FBXO4: variants seen among roughly 807,000 people sequenced by gnomAD.
FBXO4 encodes the protein F-box protein 4, also known as F-box only protein 4.
Under a neutral mutation model 43.7 loss-of-function variants are expected in FBXO4, and 36 were observed. The observed-to-expected ratio is 0.82, with a 90% CI of 0.63 to 1.09. The LOEUF (loss-of-function observed/expected upper bound fraction) is 1.09, where lower values mean the gene tolerates loss of function less well. Ranked by LOEUF, FBXO4 falls within the 50% of genes least tolerant of loss-of-function variation. The probability of loss-of-function intolerance (pLI) is 0.00; values close to 1 mark genes in which losing one functional copy is unlikely to be tolerated. For missense variants in FBXO4, 435 were observed against 474.1 expected (o/e 0.92, Z 0.77); for synonymous variants, 180 against 165.6 (o/e 1.09, Z -0.67).
At chr5:41,952,552 T>C in the FBXO4 span, among the ~76,000 whole-genome samples, 1 of 152,176 alleles carries the variant, frequency 6.6e-6, no homozygotes, top group Non-Finnish European at 1.5e-5. Flanking sequence ...CACAGTCAAT[T>C]TGAGAACATT....
the FBXO4 span, among the ~76,000 whole-genome samples, chr5:42,028,242 T>C: frequency 6.6e-6 from 1 of 152,048 alleles, no homozygotes; most frequent in East Asian, 1.9e-4. Context: ...TTATATTCTT[T>C]TGCTGAACTG....
At chr5:42,026,360 A>C in the FBXO4 span, among the ~76,000 whole-genome samples, 1 of 151,776 alleles carries the variant, frequency 6.6e-6, no homozygotes, top group Non-Finnish European at 1.5e-5. Flanking sequence ...TAGAAATGCC[A>C]CACTGATTTT....
At chr5:41,956,672 T>C in the FBXO4 span, among the ~76,000 whole-genome samples, 25 of 151,914 alleles carry the variant, frequency 1.6e-4, no homozygotes, top group African/African-American at 5.8e-4. Context: ...AGAAGTCAGC[T>C]GTCATTATTT....
the FBXO4 span, among the ~76,000 whole-genome samples, chr5:41,952,952 C>A: frequency 6.6e-6 from 1 of 151,124 alleles, no homozygotes; most frequent in Non-Finnish European, 1.5e-5. Context: ...CAGTTTTTTT[C>A]TTTTTTTATG....
chr5:42,037,609 T>C, the FBXO4 span, among the ~76,000 whole-genome samples: 2 of 152,110 alleles, frequency 1.3e-5, no homozygotes, highest in African/African-American at 4.8e-5. Context: ...TCCTCTTAAC[T>C]GCTCTATAGA....
At chr5:41,966,768 T>C in the FBXO4 span, among the ~76,000 whole-genome samples, 4 of 152,204 alleles carry the variant, frequency 2.6e-5, no homozygotes. Context: ...AAAGGTTTGG[T>C]ACCTAAAATG....
intron 5 of FBXO4, 33 bp from the exon 6 acceptor site, chr5:41,939,408 T>C: frequency 6.5e-7 from 1 of 1,528,600 alleles, no homozygotes. Context: ...TTAAAAGTAA[T>C]GCAAATTAAG....
At chr5:41,970,834 G>T in the FBXO4 span, among the ~76,000 whole-genome samples, 2 of 151,910 alleles carry the variant, frequency 1.3e-5, no homozygotes, top group African/African-American at 4.8e-5. Context: ...ACTATAGACA[G>T]GAAATATAGG....
chr5:41,927,342 T>G, intron 2 of FBXO4, 94 bp downstream of exon 2: 1 of 930,104 alleles, frequency 1.1e-6, no homozygotes, highest in Non-Finnish European at 1.6e-6. Flanking sequence ...GCTACTGATT[T>G]GTTGCGTGGA....
chr5:42,009,079 TCTC>T, the FBXO4 span, among the ~76,000 whole-genome samples: 13 of 152,100 alleles, frequency 8.5e-5, no homozygotes, highest in Admixed American at 5.9e-4. Context: ...CAATAGGTAA[TCTC>T]CTATCTACTG....
Position 41,934,168 on chromosome 5 carries a change from G to T in FBXO4, c.758G>T (p.Ser253Ile). 1.9e-6 allele frequency: 3 copies of T among 1,614,012 alleles called. No homozygotes were observed. The highest frequency in any genetic ancestry group is 2.5e-6 in the Non-Finnish European group (3 of 1,179,968). Reference protein sequence around the residue: ...ERDRAREEHTSAVNKMFSRHN... With the variant: ...ERDRAREEHTIAVNKMFSRHN... ...GATAGAGCAAGGGAAGAGCATACAA[G>T]TGCAGTTAACAAGATGTTCAGTCGA... Residue 253 changes from serine to isoleucine, a missense_variant, in exon 5 of 7, where the codon AGT (serine) becomes ATT (isoleucine). Transcript: ENST00000281623.
chr5:42,002,017 TTTG>T, the FBXO4 span, among the ~76,000 whole-genome samples: 1 of 152,142 alleles, frequency 6.6e-6, no homozygotes, highest in South Asian at 2.1e-4. Context: ...TAAAAAATAG[TTTG>T]TTGTTTGTGT....
chr5:41,956,206 C>T, the FBXO4 span, among the ~76,000 whole-genome samples: 2 of 152,112 alleles, frequency 1.3e-5, no homozygotes, highest in East Asian at 1.9e-4. Flanking sequence ...TAACTATACA[C>T]CCTATGTTCA....
the FBXO4 span, among the ~76,000 whole-genome samples, chr5:42,031,652 C>T: frequency 2.6e-5 from 4 of 151,958 alleles, no homozygotes; most frequent in South Asian, 2.1e-4. Flanking sequence ...AAAGAAAGGT[C>T]ACATATCTGT....
At chr5:41,998,079 A>G in the FBXO4 span, among the ~76,000 whole-genome samples, 1 of 152,194 alleles carries the variant, frequency 6.6e-6, no homozygotes, top group South Asian at 2.1e-4. Context: ...GTAATTAATT[A>G]GCTAATGCCA....
the FBXO4 span, among the ~76,000 whole-genome samples, chr5:41,950,901 T>C: frequency 6.6e-6 from 1 of 152,226 alleles, no homozygotes; most frequent in South Asian, 2.1e-4. Flanking sequence ...GAAGAGTTCA[T>C]GTCCTTTGCA....
the FBXO4 span, among the ~76,000 whole-genome samples, chr5:41,953,332 T>G: frequency 6.6e-6 from 1 of 151,748 alleles, no homozygotes; most frequent in Non-Finnish European, 1.5e-5. Context: ...GAACTCATCA[T>G]TTTTTATGGC....
At chr5:41,958,254 C>T in the FBXO4 span, among the ~76,000 whole-genome samples, 9 of 152,018 alleles carry the variant, frequency 5.9e-5, no homozygotes, top group African/African-American at 1.9e-4. Flanking sequence ...CCTGCCTCAG[C>T]CTCCTGAGTA....
chr5:41,990,660 G>C, the FBXO4 span, among the ~76,000 whole-genome samples: 179 of 152,244 alleles, frequency 1.2e-3, 1 homozygote, highest in Non-Finnish European at 1.3e-3. Flanking sequence ...CAGCATTGTA[G>C]ATAGTTTTCT....
Sources: gnomAD v4.1 joint callset for allele counts (sites outside exome capture counted in the v4.1 genomes callset) on GRCh38, gnomAD v4.1.1 for gene constraint, MANE v1.5 for transcripts, NCBI Gene and HGNC (gene_info 2026-07-23, HGNC 2026-07-21) for gene names.